STXBP5L: variants seen among roughly 807,000 people sequenced by gnomAD.
STXBP5L encodes the protein syntaxin binding protein 5L, also known as syntaxin-binding protein 5-like.
STXBP5L carries 65 observed loss-of-function variants against 144.5 expected under a neutral mutation model. The ratio of observed to expected loss-of-function variants is 0.45; its 90% CI spans 0.37 to 0.55. STXBP5L has a LOEUF of 0.55. Among genes scored for constraint, STXBP5L ranks in the 20% least tolerant of loss-of-function variants. The probability of loss-of-function intolerance (pLI) is 0.00; values close to 1 mark genes in which losing one functional copy is unlikely to be tolerated. For synonymous variants in STXBP5L, 505 were observed against 469.6 expected (o/e 1.08, Z -0.97); for missense variants, 1,298 against 1,405.5 (o/e 0.92, Z 1.22).
chr3:121,020,541 C>G (rs1246988122), intron 3 of STXBP5L, among the ~76,000 whole-genome samples: 1 of 152,152 alleles, frequency 6.6e-6, no homozygotes, highest in African/African-American at 2.4e-5. Flanking sequence ...AAAGGAAAAC[C>G]TATCAGATTA....
intron 9 of STXBP5L, among the ~76,000 whole-genome samples, chr3:121,203,509 A>G (rs2048218525): frequency 6.6e-6 from 1 of 152,126 alleles, no homozygotes; most frequent in Non-Finnish European, 1.5e-5. Flanking sequence ...ACTACTCTGA[A>G]TGTTAGGAAT....
intron 16 of STXBP5L, 109 bp from the exon 17 acceptor site, chr3:121,257,052 C>G: frequency 1.2e-6 from 1 of 846,082 alleles, no homozygotes; most frequent in Non-Finnish European, 1.7e-6. Context: ...TGAATGATTC[C>G]TAAAAAGTTA....
chr3:121,258,903 A>G, intron 17 of STXBP5L, 140 bp from the exon 18 acceptor site: 2 of 738,402 alleles, frequency 2.7e-6, no homozygotes, highest in Admixed American at 4.2e-5. Context: ...TGAGAAAACT[A>G]GAAGGCACCA....
intron 7 of STXBP5L, among the ~76,000 whole-genome samples, chr3:121,131,521 G>T (rs3914743): frequency 6.6e-6 from 1 of 151,988 alleles, no homozygotes; most frequent in Non-Finnish European, 1.5e-5. Context: ...TGGCCTGCCT[G>T]TTATTATTTT....
intron 20 of STXBP5L, among the ~76,000 whole-genome samples, chr3:121,320,564 A>T (rs147143293): frequency 6.6e-6 from 1 of 152,226 alleles, no homozygotes; most frequent in Admixed American, 6.5e-5. Context: ...AAGGCTTTCA[A>T]TAACTCATAA....
chr3:121,018,156 T>C (rs1392980401), intron 3 of STXBP5L, among the ~76,000 whole-genome samples: 1 of 152,168 alleles, frequency 6.6e-6, no homozygotes, highest in African/African-American at 2.4e-5. Flanking sequence ...CAAGATTGAG[T>C]TCTTTCCAAC....
chr3:121,067,320 A>C lies in STXBP5L; in HGVS notation c.470+21785A>C, dbSNP rs150321895. ...GAAAATTGTTTGAGCTCCATCCAAC[A>C]GATTTTATGTCTAATATTTATTAAT... On this transcript the variant is annotated intron_variant, in intron 5 of 26. Transcript: ENST00000471454. Among the ~76,000 whole-genome samples the C allele has an allele frequency of 4.5e-3, 691 of 152,230 alleles. 4 individuals are homozygous for C. The highest frequency in any genetic ancestry group is 0.016 in the African/African-American group (659 of 41,570).
intron 5 of STXBP5L, among the ~76,000 whole-genome samples, chr3:121,046,406 A>G (rs978413080): frequency 4.6e-5 from 7 of 152,230 alleles, no homozygotes; most frequent in African/African-American, 1.7e-4. Flanking sequence ...CTCCTCCTCA[A>G]TTTTTTGGAG....
intron 5 of STXBP5L, among the ~76,000 whole-genome samples, chr3:121,113,002 AGTT>A (rs1486784256): frequency 1.3e-5 from 2 of 152,056 alleles, no homozygotes; most frequent in Non-Finnish European, 2.9e-5. Flanking sequence ...ATCTTTATCT[AGTT>A]GTTGTAACCA....
intron 7 of STXBP5L, among the ~76,000 whole-genome samples, chr3:121,131,670 C>G (rs1285616950): frequency 6.6e-6 from 1 of 151,982 alleles, no homozygotes; most frequent in Non-Finnish European, 1.5e-5. Flanking sequence ...TTTTATGAAG[C>G]AATTATAAGA....
intron 7 of STXBP5L, among the ~76,000 whole-genome samples, chr3:121,134,540 T>A (rs1174796649): frequency 6.6e-6 from 1 of 152,154 alleles, no homozygotes; most frequent in Non-Finnish European, 1.5e-5. Context: ...TATCTCCTAA[T>A]GCTTTCCCTC....
At chr3:121,063,839 C>T (rs543852171) in intron 5 of STXBP5L, among the ~76,000 whole-genome samples, 1 of 152,084 alleles carries the variant, frequency 6.6e-6, no homozygotes, top group African/African-American at 2.4e-5. Flanking sequence ...ACGCCCCTCC[C>T]CCCACCAAGA....
intron 20 of STXBP5L, among the ~76,000 whole-genome samples, chr3:121,377,372 A>G (rs1018967256): frequency 6.6e-6 from 1 of 152,224 alleles, no homozygotes; most frequent in African/African-American, 2.4e-5. Context: ...TGCACAGCAA[A>G]AGAAACTATT....
chr3:121,418,728 G>C (rs2047297021), intron 26 of STXBP5L, among the ~76,000 whole-genome samples, 171 bp downstream of exon 26: 1 of 151,932 alleles, frequency 6.6e-6, no homozygotes, highest in Non-Finnish European at 1.5e-5. Flanking sequence ...GGAGATAAAA[G>C]GTTTTTTAAA....
intron 5 of STXBP5L, among the ~76,000 whole-genome samples, chr3:121,089,157 A>C (rs902980218): frequency 1.4e-5 from 2 of 147,854 alleles, no homozygotes; most frequent in Non-Finnish European, 3.0e-5. Context: ...ATATAAATAC[A>C]CTTAGTATAT....
chr3:121,162,398 A>G (rs2046355588), intron 9 of STXBP5L, among the ~76,000 whole-genome samples: 1 of 152,158 alleles, frequency 6.6e-6, no homozygotes, highest in African/African-American at 2.4e-5. Flanking sequence ...CTCCTTCCTT[A>G]TACCTTATAT....
At chr3:121,171,130 G>A (rs1249005918) in intron 9 of STXBP5L, among the ~76,000 whole-genome samples, 3 of 151,858 alleles carry the variant, frequency 2.0e-5, no homozygotes, top group Admixed American at 2.0e-4. Flanking sequence ...GGCCTTCGAT[G>A]CAGAAGAGGA....
intron 3 of STXBP5L, among the ~76,000 whole-genome samples, chr3:121,018,964 T>A (rs1447311680): frequency 2.0e-5 from 3 of 152,196 alleles, no homozygotes; most frequent in Non-Finnish European, 4.4e-5. Context: ...TAGAGGCTTG[T>A]AGCCTGGGGC....
intron 3 of STXBP5L, among the ~76,000 whole-genome samples, chr3:120,959,997 A>C (rs1399254299): frequency 6.6e-6 from 1 of 152,218 alleles, no homozygotes; most frequent in South Asian, 2.1e-4. Context: ...AATTTTTGCA[A>C]TCTACCTATC....
Sources: gnomAD v4.1 joint callset for allele counts (sites outside exome capture counted in the v4.1 genomes callset) on GRCh38, gnomAD v4.1.1 for gene constraint, MANE v1.5 for transcripts, NCBI Gene and HGNC (gene_info 2026-07-23, HGNC 2026-07-21) for gene names.